Variants in STX5 observed in about 807,000 individuals in gnomAD.
STX5 encodes syntaxin 5, also known as syntaxin-5.
STX5 carries 15 observed loss-of-function variants against 42.9 expected under a neutral mutation model. That is an observed-to-expected ratio of 0.35 (90% CI 0.23 to 0.54). The LOEUF (loss-of-function observed/expected upper bound fraction) is 0.54. Among genes scored for constraint, STX5 ranks in the 20% least tolerant of loss-of-function variants. The probability of loss-of-function intolerance (pLI) is 0.91; values close to 1 mark genes in which losing one functional copy is unlikely to be tolerated. For missense variants in STX5, 430 were observed against 455.0 expected (o/e 0.95, Z 0.50); for synonymous variants, 184 against 173.2 (o/e 1.06, Z -0.49).
chr11:62,828,876 C>A (rs936808496), intron 2 of STX5, among the ~76,000 whole-genome samples: 1 of 151,906 alleles, frequency 6.6e-6, no homozygotes, highest in Non-Finnish European at 1.5e-5. Context: ...ACCATCCTGG[C>A]GAACACAGTG....
intron 10 of STX5, among the ~76,000 whole-genome samples, chr11:62,815,542 T>TA (rs2084664517): frequency 6.6e-6 from 1 of 151,412 alleles, no homozygotes; most frequent in African/African-American, 2.4e-5. Flanking sequence ...TGGTTTTTTT[T>TA]TTTTTATTTT....
chr11:62,822,054 CATAA>C (rs1010226033), intron 10 of STX5, among the ~76,000 whole-genome samples: 93 of 151,606 alleles, frequency 6.1e-4, no homozygotes, highest in African/African-American at 2.1e-3. Flanking sequence ...TAAATACATG[CATAA>C]ATAAATAAAG....
chr11:62,830,155 C>T (rs1302301381), intron 2 of STX5, among the ~76,000 whole-genome samples: 7 of 149,382 alleles, frequency 4.7e-5, no homozygotes, highest in Non-Finnish European at 5.9e-5. Context: ...CATGCCACCA[C>T]GTCCAGCTTT....
chr11:62,831,617 G>T (rs900115899), intron 1 of STX5, among the ~76,000 whole-genome samples: 1 of 152,110 alleles, frequency 6.6e-6, no homozygotes, highest in Non-Finnish European at 1.5e-5. Flanking sequence ...GGTTTCCTTC[G>T]GCCCCTCCGG....
intron 2 of STX5, chr11:62,830,440 A>AG (rs1277307678): frequency 2.3e-6 from 1 of 438,516 alleles, no homozygotes; most frequent in African/African-American, 2.0e-5. Context: ...CCAGCTGCTC[A>AG]GGAGGCTGAG....
chr11:62,824,713 A>G, intron 8 of STX5, 148 bp from the exon 9 acceptor site: 1 of 719,266 alleles, frequency 1.4e-6, no homozygotes, highest in East Asian at 2.7e-5. Flanking sequence ...CAGTTTCCTC[A>G]CCTGTAAAAT....
intron 10 of STX5, among the ~76,000 whole-genome samples, chr11:62,817,607 A>G (rs1315536352): frequency 6.6e-6 from 1 of 152,220 alleles, no homozygotes; most frequent in Non-Finnish European, 1.5e-5. Context: ...AGAAAAGGCA[A>G]TGAATGGCCC....
Position 62,820,122 on chromosome 11 carries a change from G to A in STX5, c.908+4044C>T, listed in dbSNP as rs528620439. 5.3e-3 allele frequency among the ~76,000 whole-genome samples: 802 copies of A among 151,774 alleles called. 1 individual carries two copies. The highest frequency in any genetic ancestry group is 7.9e-3 in the Non-Finnish European group (538 of 67,896). ...GCGGTGGCTCATGCCTGTAATCCCA[G>A]AACTTTGGGAGGCCGAGGCGGGCGG... On this transcript the variant is annotated intron_variant, in intron 10 of 10. Transcript: ENST00000294179.
intron 5 of STX5, among the ~76,000 whole-genome samples, chr11:62,826,122 C>T (rs1439964614): frequency 6.6e-6 from 1 of 152,180 alleles, no homozygotes; most frequent in African/African-American, 2.4e-5. Flanking sequence ...GGTGTGGTGG[C>T]GCGCGCCTAT....
chr11:62,826,132 T>C (rs2084793341), intron 5 of STX5, among the ~76,000 whole-genome samples: 1 of 152,108 alleles, frequency 6.6e-6, no homozygotes, highest in Admixed American at 6.6e-5. Flanking sequence ...CGCGCGCCTA[T>C]AATCCCAGCT....
rs1244342426 is a variant in STX5, at chr11:62,824,220, G to A, written c.854C>T (p.Ser285Phe). 3 of 1,614,188 alleles carry A rather than the reference G, an allele frequency of 1.9e-6. No individual in the cohort carries two copies. Among genetic ancestry groups the A allele is most frequent in the South Asian group, 2.2e-5 (2 of 91,092 alleles). Residue 285 changes from serine (S) to phenylalanine (F), a missense_variant, in exon 10 of 11, where the codon TCC becomes TTC. Coordinates refer to ENST00000294179, the MANE Select transcript of STX5 (RefSeq NM_003164.5). ...CATGTGTGCCAACTGCTGAAAGATG[G>A]AGCCCAACTCAACAATTGTCGACTC... ...NIESTIVELG[S>F]IFQQLAHMVK...
chr11:62,818,509 C>T (rs191203479), intron 10 of STX5, among the ~76,000 whole-genome samples: 24 of 150,538 alleles, frequency 1.6e-4, no homozygotes, highest in Admixed American at 1.4e-3. Flanking sequence ...CTGCAATGAG[C>T]CGAGATCGCA....
At chr11:62,831,669 G>T (rs1215592931) in intron 1 of STX5, among the ~76,000 whole-genome samples, 2 of 152,164 alleles carry the variant, frequency 1.3e-5, no homozygotes, top group South Asian at 2.1e-4. Flanking sequence ...ACACTTCGGT[G>T]GGCGGAGGGG....
rs183393453 is a variant in STX5, at chr11:62,808,730, G to A, written c.909-1102C>T. Reference sequence around the variant, plus strand: ...CCAATGCCCCACAATACCAAGGGATGAGTGTGCTTAATCTGATAGTTAGCA... The same window carrying A: ...CCAATGCCCCACAATACCAAGGGATAAGTGTGCTTAATCTGATAGTTAGCA... On this transcript the variant is annotated intron_variant, in intron 10 of 10. Coordinates refer to ENST00000294179, the MANE Select transcript of STX5 (RefSeq NM_003164.5). Among the ~76,000 whole-genome samples, 37 of 152,324 alleles carry A rather than the reference G, an allele frequency of 2.4e-4. No homozygotes were observed. The East Asian group carries it at 6.9e-3, about 29-fold the overall frequency.
chr11:62,822,361 T>C (rs1216841662), intron 10 of STX5, among the ~76,000 whole-genome samples: 5 of 152,156 alleles, frequency 3.3e-5, no homozygotes, highest in Non-Finnish European at 5.9e-5. Context: ...AGGCTCTGTC[T>C]CAAACACAGA....
chr11:62,828,972 G>A (rs1203506818), intron 2 of STX5, among the ~76,000 whole-genome samples: 2 of 151,660 alleles, frequency 1.3e-5, no homozygotes, highest in African/African-American at 4.8e-5. Context: ...GCTGAGGCAG[G>A]AGAATCACTT....
chr11:62,812,820 A>G (rs2084633048), intron 10 of STX5, among the ~76,000 whole-genome samples: 1 of 151,770 alleles, frequency 6.6e-6, no homozygotes, highest in African/African-American at 2.4e-5. Flanking sequence ...GAAATAGATA[A>G]AAATCAATTA....
At chr11:62,828,777 A>G (rs1439881799) in intron 2 of STX5, among the ~76,000 whole-genome samples, 1 of 151,576 alleles carries the variant, frequency 6.6e-6, no homozygotes, top group Admixed American at 6.6e-5. Context: ...AAATAAATAC[A>G]GTTACTTGGC....
rs79941543 is a variant in STX5 at position 62,831,199 on chromosome 11, A to G, written c.45T>C (p.Gly15=). 4.3e-3 allele frequency: 6,798 copies of G among 1,566,234 alleles called. 25 individuals carry two copies. The highest frequency in any genetic ancestry group is 4.9e-3 in the Non-Finnish European group (5,604 of 1,154,454). ...GTGTCTTTGAGAGACCCAGGTAGAC[A>G]CCCTGATCCGTGTTCTTAGACCCGT... The part of the protein sequence containing the change: ...KRYGSKNTDQ[G]VYLGLSKTQV... The change falls in exon 2 of 11, where the codon GGT becomes GGC. Residue 15 remains glycine (G), a synonymous_variant. Transcript: ENST00000294179.
Sources: gnomAD v4.1 joint callset for allele counts (sites outside exome capture counted in the v4.1 genomes callset) on GRCh38, gnomAD v4.1.1 for gene constraint, MANE v1.5 for transcripts, NCBI Gene and HGNC (gene_info 2026-07-23, HGNC 2026-07-21) for gene names.